MAP3K2: variants seen among roughly 807,000 people sequenced by gnomAD.
MAP3K2 encodes MAP/ERK kinase kinase 2.
MAP3K2 carries 24 observed loss-of-function variants against 80.3 expected under a neutral mutation model. The observed-to-expected ratio is 0.30, with a 90% confidence interval of 0.22 to 0.42. MAP3K2 has a LOEUF of 0.42. Among genes scored for constraint, MAP3K2 ranks in the 10% least tolerant of loss-of-function variants. MAP3K2 has a pLI of 1.00. For synonymous variants in MAP3K2, 244 were observed against 253.7 expected (o/e 0.96, Z 0.36); for missense variants, 608 against 750.1 (o/e 0.81, Z 2.21).
At position 127,306,097 on chromosome 2, in the gene MAP3K2, G is replaced by C. The variant is rs574718376; in HGVS notation, c.*1482C>G. The stretch of plus-strand genomic sequence containing the variant: ...AAGTGATTGCTATTTGCTGTTTGTT[G>C]AGATTATTCACCCTTGACTTAAAGC... On this transcript the variant is annotated 3_prime_UTR_variant, in exon 17 of 17. Transcript: ENST00000682094. This position sits in a 1 kb window ranked among gnomAD's most constrained non-coding sequence, Gnocchi z 4.7. The C allele has an allele frequency of 6.6e-6, 1 of 152,216 alleles. No individual in the cohort carries two copies. The highest frequency in any genetic ancestry group is 2.4e-5 in the African/African-American group (1 of 41,552). 9.4% of individuals were successfully genotyped at this position (152,216 alleles called of 1,614,324 possible). A position where few individuals can be genotyped will look rare whatever the true frequency, so the allele number is the denominator to read the frequency against.
At chr2:127,369,564 A>G (rs1687028739) in intron 1 of MAP3K2, among the ~76,000 whole-genome samples, 1 of 151,942 alleles carries the variant, frequency 6.6e-6, no homozygotes, top group Admixed American at 6.6e-5. Context: ...CTAATAAGAA[A>G]TAGTATTGAC....
intron 1 of MAP3K2, among the ~76,000 whole-genome samples, chr2:127,344,561 C>G (rs1686560669): frequency 6.6e-6 from 1 of 150,756 alleles, no homozygotes; most frequent in South Asian, 2.1e-4. Context: ...TCCCAGCTAA[C>G]TGGAAGGCTA....
rs755196372 is a variant in MAP3K2, at chr2:127,317,659, T to C, written c.1296A>G (p.Thr432=). Residue 432 remains threonine (T), a synonymous_variant, in exon 14 of 17, where the codon ACA becomes ACG. Coordinates refer to ENST00000682094, the MANE Select transcript of MAP3K2 (RefSeq NM_001371910.2). ...GCATATATTCCATAAATATGGAAAG[T>C]GTTTTTTCCTGGGGATCCCTCAAAC... ...YGCLRDPQEK[T]LSIFMEYMPG... is the part of the protein sequence containing the mutation. 5.1e-6 allele frequency: 8 copies of C among 1,582,902 alleles called. No individual in the cohort carries two copies. The Admixed American group carries it at 9.0e-5, about 18-fold the overall frequency.
chr2:127,380,680 C>T (rs1376743295), intron 1 of MAP3K2, among the ~76,000 whole-genome samples: 1 of 152,068 alleles, frequency 6.6e-6, no homozygotes, highest in Non-Finnish European at 1.5e-5. Flanking sequence ...GGCAACAATA[C>T]AAGAAATATT....
chr2:127,376,480 GT>G (rs1687154093), intron 1 of MAP3K2, among the ~76,000 whole-genome samples: 1 of 152,142 alleles, frequency 6.6e-6, no homozygotes, highest in Admixed American at 6.5e-5. Context: ...GGGTGGCCTG[GT>G]CCCCTAGCCC....
chr2:127,317,771 GAA>G lies in MAP3K2; in HGVS notation c.1195-13_1195-12del, dbSNP rs774703433. 261 of 1,595,050 alleles carry G rather than the reference GAA, an allele frequency of 1.6e-4. 4 individuals carry two copies. The South Asian group carries it at 2.3e-3, about 14-fold the overall frequency. ...AAGTGCATTTACTTCCTGAAAGAGAGAATTCATTGTTAAGTCTTCAACAATGT... is the reference window on the plus strand; with the variant it reads ...AAGTGCATTTACTTCCTGAAAGAGAGTTCATTGTTAAGTCTTCAACAATGT... On this transcript the variant is annotated splice_polypyrimidine_tract_variant and intron_variant, in intron 13 of 16. Transcript: ENST00000682094.
At chr2:127,362,061 T>C (rs1238612844) in intron 1 of MAP3K2, among the ~76,000 whole-genome samples, 1 of 152,230 alleles carries the variant, frequency 6.6e-6, no homozygotes, top group East Asian at 1.9e-4. Flanking sequence ...TTTAAGGTAT[T>C]ACTCAGACAA....
chr2:127,323,766 T>C (rs1686074129), intron 11 of MAP3K2, 136 bp downstream of exon 11: 2 of 471,436 alleles, frequency 4.2e-6, no homozygotes, highest in African/African-American at 4.1e-5. Context: ...ATGCCCATTA[T>C]ACTTTTGTTA....
chr2:127,326,956 A>C lies in MAP3K2; in HGVS notation c.467-139T>G, dbSNP rs1035478716. On this transcript the variant is annotated intron_variant, in intron 7 of 16. Transcript: ENST00000682094. Reference sequence around the variant, plus strand: ...AATTTTTATTAAAACTTATCAGAACATTCATTTGTAAATCTTCAAATGGCT... The same window carrying C: ...AATTTTTATTAAAACTTATCAGAACCTTCATTTGTAAATCTTCAAATGGCT... The C allele has an allele frequency of 7.5e-6, 4 of 531,056 alleles. No homozygotes were observed. The African/African-American group carries it at 7.7e-5, about 10-fold the overall frequency. 32.9% of individuals were successfully genotyped at this position (531,056 alleles called of 1,614,324 possible).
At chr2:127,340,513 CAGGCA>C (rs1686456717) in intron 2 of MAP3K2, among the ~76,000 whole-genome samples, 1 of 152,070 alleles carries the variant, frequency 6.6e-6, no homozygotes, top group South Asian at 2.1e-4. Context: ...AAAAATTAGC[CAGGCA>C]TGGTGGCAGG....
intron 1 of MAP3K2, among the ~76,000 whole-genome samples, chr2:127,358,938 A>T (rs538732969): frequency 2.4e-4 from 36 of 152,192 alleles, no homozygotes; most frequent in East Asian, 2.1e-3. Flanking sequence ...AAAAATTTTT[A>T]AAAGGCTAGA....
chr2:127,324,066 C>T, intron 10 of MAP3K2, 72 bp from the exon 11 acceptor site: 1 of 1,084,210 alleles, frequency 9.2e-7, no homozygotes, highest in Non-Finnish European at 1.3e-6. Context: ...ATGAAAAGCA[C>T]ATTTATAAAT....
chr2:127,355,222 T>A (rs1259644779), intron 1 of MAP3K2, among the ~76,000 whole-genome samples: 1 of 152,042 alleles, frequency 6.6e-6, no homozygotes, highest in East Asian at 1.9e-4. Context: ...CACAAAAAAC[T>A]TGAAAAACAC....
At chr2:127,326,903 CATT>C in intron 7 of MAP3K2, 86 bp from the exon 8 acceptor site, 1 of 765,330 alleles carries the variant, frequency 1.3e-6, no homozygotes, top group South Asian at 3.1e-5. Context: ...TGAATTATAT[CATT>C]AATAATTTCA....
At chr2:127,320,801 G>A (rs1057233268) in intron 12 of MAP3K2, among the ~76,000 whole-genome samples, 2 of 152,126 alleles carry the variant, frequency 1.3e-5, no homozygotes, top group African/African-American at 4.8e-5. Flanking sequence ...ATATAAGCCA[G>A]AAGACAATGG....
At chr2:127,384,326 C>T (rs1687307455) in intron 1 of MAP3K2, among the ~76,000 whole-genome samples, 1 of 150,712 alleles carries the variant, frequency 6.6e-6, no homozygotes, top group African/African-American at 2.4e-5. Context: ...AAAAGAAAAA[C>T]AAACGAAATA....
intron 1 of MAP3K2, among the ~76,000 whole-genome samples, chr2:127,357,329 A>G (rs1686814102): frequency 6.6e-6 from 1 of 152,186 alleles, no homozygotes; most frequent in Admixed American, 6.5e-5. Context: ...CCTACAAAAA[A>G]ATTAAAATTA....
chr2:127,384,338 A>G (rs957816816), intron 1 of MAP3K2, among the ~76,000 whole-genome samples: 2 of 152,136 alleles, frequency 1.3e-5, no homozygotes, highest in African/African-American at 2.4e-5. Context: ...AACGAAATAC[A>G]TTTTGTAAGG....
intron 1 of MAP3K2, among the ~76,000 whole-genome samples, chr2:127,377,250 T>C (rs1687167671): frequency 1.3e-5 from 2 of 152,168 alleles, no homozygotes; most frequent in East Asian, 1.9e-4. Flanking sequence ...CACTGAAAAG[T>C]ATATGTAATA....
Sources: allele counts gnomAD v4.1 joint callset (sites outside exome capture counted in the v4.1 genomes callset), GRCh38; gene constraint gnomAD v4.1.1; non-coding constraint Gnocchi (gnomAD v3.1); transcripts MANE v1.5; gene names NCBI Gene and HGNC (gene_info 2026-07-23, HGNC 2026-07-21).